SYNE2: variants seen among roughly 807,000 people sequenced by gnomAD.
The protein encoded by SYNE2 is spectrin repeat containing nuclear envelope protein 2.
A neutral mutation model predicts 856.3 loss-of-function variants in SYNE2; 431 were observed. The observed-to-expected ratio is 0.50, with a 90% CI of 0.47 to 0.55. The LOEUF (loss-of-function observed/expected upper bound fraction) is 0.55, where lower values mean the gene tolerates loss of function less well. Ranked by LOEUF, SYNE2 falls within the 20% of genes least tolerant of loss-of-function variation. SYNE2 has a pLI of 0.00. For missense variants in SYNE2, 8,129 were observed against 8,023.2 expected (o/e 1.01, Z -0.50); for synonymous variants, 2,923 against 2,872.3 (o/e 1.02, Z -0.56).
intron 105 of SYNE2, 179 bp from the exon 106 acceptor site, chr14:64,214,015 G>C (rs2098654521): frequency 1.1e-6 from 1 of 890,900 alleles, no homozygotes; most frequent in Non-Finnish European, 1.7e-6. Context: ...CCCCACTCCA[G>C]ATTGTCTAAA....
chr14:64,141,074 G>A (rs539815295), intron 80 of SYNE2, among the ~76,000 whole-genome samples: 1 of 152,086 alleles, frequency 6.6e-6, no homozygotes, highest in Admixed American at 6.5e-5. Flanking sequence ...ATAGTTTATT[G>A]TAAAACTTAC....
chr14:63,972,910 G>A (rs2096490996), intron 11 of SYNE2, among the ~76,000 whole-genome samples: 2 of 152,210 alleles, frequency 1.3e-5, no homozygotes, highest in Non-Finnish European at 2.9e-5. Context: ...TTTGGCAAAT[G>A]TACAAGTAAT....
At chr14:64,092,444 A>C (rs370553520) in intron 60 of SYNE2, among the ~76,000 whole-genome samples, 29 of 152,290 alleles carry the variant, frequency 1.9e-4, no homozygotes, top group African/African-American at 6.7e-4. Context: ...AAATAAGACA[A>C]ATTCCTTTTG....
Position 64,053,152 on chromosome 14 carries a change from G to T in SYNE2, c.9239G>T (p.Arg3080Ile). ...GCTCCTGATAGCTCTCCGGAAAGCA[G>T]ACGGCTCAATGCCCAAATTTTAAGT... is the stretch of plus-strand genomic sequence containing the variant. ...LKAPDSSPESRRLNAQILSQR... is the reference protein window; with the variant it reads ...LKAPDSSPESIRLNAQILSQR... Residue 3080 changes from arginine (R) to isoleucine (I), a missense_variant, in exon 48 of 116, where the codon AGA becomes ATA. By Grantham distance (97) the Arg-to-Ile change is moderately conservative (BLOSUM62 -3). Coordinates refer to ENST00000555002, the MANE Select transcript of SYNE2 (RefSeq NM_182914.3). The T allele has an allele frequency of 6.2e-7, 1 of 1,614,142 alleles. No homozygotes were observed. The highest frequency in any genetic ancestry group is 1.3e-5 in the African/African-American group (1 of 75,054).
intron 1 of SYNE2, among the ~76,000 whole-genome samples, chr14:63,767,000 C>T (rs1398149484): frequency 6.6e-6 from 1 of 151,824 alleles, no homozygotes; most frequent in East Asian, 1.9e-4. Flanking sequence ...ATTAAATACA[C>T]CATATCAAGC....
rs767633040 is a variant in SYNE2, at chr14:64,122,426, A to T, written c.13421A>T (p.Gln4474Leu). The T allele has an allele frequency of 1.9e-6, 3 of 1,614,222 alleles. No individual in the cohort carries two copies. In the South Asian group the frequency reaches 3.3e-5, roughly 18 times the overall value. The change falls in exon 70 of 116, where the codon CAG becomes CTG. Residue 4474 changes from glutamine to leucine, a missense_variant and splice_region_variant. Coordinates refer to ENST00000555002, the MANE Select transcript of SYNE2 (RefSeq NM_182914.3). ...CCACTCCCTCAGCTTGTGGAGCCTC[A>T]GGTCAGTCTGTATCTACATGGTGCA... ...KLPLPQLVEP[Q>L]VSTNMGILPS...
intron 112 of SYNE2, among the ~76,000 whole-genome samples, chr14:64,222,437 C>T (rs1414812836): frequency 1.3e-5 from 2 of 152,138 alleles, no homozygotes; most frequent in Non-Finnish European, 2.9e-5. Context: ...CACATGTAGG[C>T]CGGGCACGGT....
At chr14:63,954,937 T>A in intron 8 of SYNE2, 22 bp downstream of exon 8, 1 of 1,579,610 alleles carries the variant, frequency 6.3e-7, no homozygotes, top group Non-Finnish European at 8.7e-7. Flanking sequence ...TCTTTGTTTT[T>A]AAAACAATCT....
chr14:64,092,966 C>T (rs1400808317), intron 60 of SYNE2, among the ~76,000 whole-genome samples: 1 of 151,754 alleles, frequency 6.6e-6, no homozygotes, highest in East Asian at 1.9e-4. Flanking sequence ...CCCCGCTCCC[C>T]CGGCCATGGA....
chr14:64,203,036 A>T (rs1168256661), intron 100 of SYNE2, 73 bp downstream of exon 100: 4 of 1,576,576 alleles, frequency 2.5e-6, no homozygotes, highest in Non-Finnish European at 3.5e-6. Flanking sequence ...CCTTCCCCGT[A>T]TATCTATGTG....
intron 1 of SYNE2, among the ~76,000 whole-genome samples, chr14:63,900,118 C>T (rs549112398): frequency 2.6e-5 from 4 of 152,184 alleles, no homozygotes; most frequent in Non-Finnish European, 4.4e-5. Context: ...GCTACATTTC[C>T]TCAGGATGTT....
intron 64 of SYNE2, among the ~76,000 whole-genome samples, chr14:64,105,623 G>A (rs2097766132): frequency 6.6e-6 from 1 of 152,170 alleles, no homozygotes; most frequent in East Asian, 1.9e-4. Context: ...ATATCCACAT[G>A]CTTTCTGTCA....
chr14:64,061,182 G>T (rs1475869050), intron 49 of SYNE2, among the ~76,000 whole-genome samples: 1 of 152,172 alleles, frequency 6.6e-6, no homozygotes, highest in African/African-American at 2.4e-5. Context: ...AGGATGATCA[G>T]TAGAGGCTTC....
chr14:64,000,948 A>G (rs919623576), intron 28 of SYNE2, among the ~76,000 whole-genome samples: 2 of 152,234 alleles, frequency 1.3e-5, no homozygotes, highest in African/African-American at 4.8e-5. Context: ...GAAACTTAGT[A>G]GAACTTAAGG....
intron 40 of SYNE2, 45 bp downstream of exon 40, chr14:64,025,076 T>C (rs1594943134): frequency 6.2e-7 from 1 of 1,614,088 alleles, no homozygotes; most frequent in African/African-American, 1.3e-5. Context: ...GATTATGGTT[T>C]CTTCCATGGT....
chr14:63,850,192 C>T (rs901591540), upstream of SYNE2, among the ~76,000 whole-genome samples: 4 of 150,468 alleles, frequency 2.7e-5, no homozygotes, highest in Non-Finnish European at 5.9e-5. Flanking sequence ...AGCGATTCTC[C>T]TGCCTCAGCC....
intron 84 of SYNE2, among the ~76,000 whole-genome samples, chr14:64,147,318 C>G (rs562691587): frequency 1.3e-5 from 2 of 152,310 alleles, no homozygotes; most frequent in South Asian, 4.1e-4. Flanking sequence ...TCATTTCCTT[C>G]TGATTCATTC....
At chr14:63,911,721 A>G (rs759006647) in intron 2 of SYNE2, among the ~76,000 whole-genome samples, 1 of 152,206 alleles carries the variant, frequency 6.6e-6, no homozygotes, top group East Asian at 1.9e-4. Flanking sequence ...TTTCACTGGA[A>G]AATTCATTAA....
intron 64 of SYNE2, among the ~76,000 whole-genome samples, chr14:64,107,037 T>C (rs1490979606): frequency 6.6e-6 from 1 of 152,254 alleles, no homozygotes; most frequent in Non-Finnish European, 1.5e-5. Flanking sequence ...ATTATTTTGA[T>C]AGAGACAGGG....
Sources: gnomAD v4.1 joint callset for allele counts (sites outside exome capture counted in the v4.1 genomes callset) on GRCh38, gnomAD v4.1.1 for gene constraint, MANE v1.5 for transcripts, NCBI Gene and HGNC (gene_info 2026-07-23, HGNC 2026-07-21) for gene names.